The following IPCEF1 variants were observed in gnomAD, a reference collection of about 807,000 sequenced individuals.
The protein encoded by IPCEF1 is interaction protein for cytohesin exchange factors 1, also known as interactor protein for cytohesin exchange factors 1.
A neutral mutation model predicts 50.9 loss-of-function variants in IPCEF1; 31 were observed. The observed-to-expected ratio is 0.61, with a 90% CI of 0.46 to 0.82. IPCEF1 has a LOEUF of 0.82. IPCEF1 is among the 40% of genes least tolerant of loss of function. IPCEF1 has a pLI of 0.00. For missense variants in IPCEF1, 458 were observed against 514.0 expected (o/e 0.89, Z 1.05); for synonymous variants, 181 against 192.0 (o/e 0.94, Z 0.47).
intron 10 of IPCEF1, among the ~76,000 whole-genome samples, chr6:154,178,909 A>G (rs890538379): frequency 2.0e-5 from 3 of 152,240 alleles, no homozygotes; most frequent in Non-Finnish European, 4.4e-5. Context: ...ATCCACAAGC[A>G]TAAAACAGTA....
rs1052088144 is a variant in IPCEF1 at position 154,247,587 on chromosome 6, G to A, written c.37-99C>T. 37 of 971,746 alleles carry A rather than the reference G, an allele frequency of 3.8e-5. 1 individual carries two copies. In the South Asian group the frequency reaches 4.1e-4, roughly 11 times the overall value. The allele number at this position is 971,746 out of a possible 1,614,324, so 60.2% of individuals were successfully genotyped here. The stretch of plus-strand genomic sequence containing the variant: ...AGGAGGTGGCAGTGTTTATGAGCAG[G>A]ATGGAATCTAAAAAAAAACTCTCCA... On this transcript the variant is annotated intron_variant, in intron 3 of 11. Transcript: ENST00000367220.
intron 1 of IPCEF1, among the ~76,000 whole-genome samples, chr6:154,315,308 A>AT (rs1328864245): frequency 6.6e-6 from 1 of 152,220 alleles, no homozygotes; most frequent in Admixed American, 6.5e-5. Flanking sequence ...TGCTCAGTAA[A>AT]TATTTGTAGG....
intron 5 of IPCEF1, among the ~76,000 whole-genome samples, chr6:154,232,950 A>AAT (rs1779834470): frequency 6.6e-6 from 1 of 151,962 alleles, no homozygotes; most frequent in Non-Finnish European, 1.5e-5. Flanking sequence ...ATTAATGTAA[A>AAT]ATAAGCCTTT....
intron 10 of IPCEF1, among the ~76,000 whole-genome samples, chr6:154,199,172 C>A (rs1007699794): frequency 3.9e-5 from 6 of 152,194 alleles, no homozygotes; most frequent in Admixed American, 3.9e-4. Flanking sequence ...AAAGTGCATG[C>A]AAATTGTCTG....
intron 10 of IPCEF1, among the ~76,000 whole-genome samples, chr6:154,169,973 C>T (rs527550451): frequency 6.6e-6 from 1 of 152,260 alleles, no homozygotes; most frequent in East Asian, 1.9e-4. Context: ...GGAAGCCAAC[C>T]CATTCTGAGA....
At chr6:154,238,093 GTATCAACA>G (rs1357147696) in intron 5 of IPCEF1, among the ~76,000 whole-genome samples, 4 of 152,096 alleles carry the variant, frequency 2.6e-5, no homozygotes, top group African/African-American at 9.7e-5. Context: ...GGATATACAT[GTATCAACA>G]TGGAAATATG....
intron 10 of IPCEF1, among the ~76,000 whole-genome samples, chr6:154,199,388 T>C (rs536970059): frequency 1.3e-5 from 2 of 152,338 alleles, no homozygotes; most frequent in Middle Eastern, 6.8e-3. Context: ...GCAAGTTTTT[T>C]CTCCGATTGG....
chr6:154,333,779 G>A (rs113062541), intron 1 of IPCEF1, among the ~76,000 whole-genome samples: 4,152 of 147,326 alleles, frequency 0.028, 73 homozygotes, highest in Non-Finnish European at 0.033. Context: ...ATGTATGTGT[G>A]TATATGTGTA....
At chr6:154,232,824 G>A (rs566401710) in intron 5 of IPCEF1, among the ~76,000 whole-genome samples, 45 of 152,122 alleles carry the variant, frequency 3.0e-4, no homozygotes, top group Non-Finnish European at 5.3e-4. Context: ...ATAGATGTGT[G>A]TAATAATGTA....
intron 10 of IPCEF1, among the ~76,000 whole-genome samples, chr6:154,185,626 C>A (rs1449108438): frequency 6.6e-6 from 1 of 152,160 alleles, no homozygotes; most frequent in Non-Finnish European, 1.5e-5. Context: ...GTATCAAGTT[C>A]TATATTATGA....
intron 1 of IPCEF1, among the ~76,000 whole-genome samples, chr6:154,354,489 T>TCCACAACCACCTCCACCATCTCCTCCACA (rs1562300369): frequency 3.8e-5 from 1 of 26,234 alleles, no homozygotes; most frequent in African/African-American, 1.9e-4. Context: ...CCACCATCTC[T>TCCACAACCACCTCCACCATCTCCTCCACA]ACCGTCACTT....
At chr6:154,330,325 C>CTTTT (rs138406253) in intron 1 of IPCEF1, among the ~76,000 whole-genome samples, 2 of 89,264 alleles carry the variant, frequency 2.2e-5, no homozygotes, top group African/African-American at 4.2e-5. Context: ...ATTATAGCCT[C>CTTTT]TTTTTTTTTT....
At chr6:154,200,706 G>A (rs558580666) in intron 9 of IPCEF1, among the ~76,000 whole-genome samples, 4 of 152,300 alleles carry the variant, frequency 2.6e-5, no homozygotes, top group African/African-American at 9.6e-5. Flanking sequence ...GGGTGACAGA[G>A]TGAGACTCTG....
intron 2 of IPCEF1, among the ~76,000 whole-genome samples, chr6:154,287,705 C>T (rs1431714864): frequency 6.6e-6 from 1 of 152,170 alleles, no homozygotes; most frequent in African/African-American, 2.4e-5. Flanking sequence ...CTTCTTATAA[C>T]AAGCCATGCT....
At chr6:154,263,259 T>C (rs926000046) in intron 3 of IPCEF1, among the ~76,000 whole-genome samples, 1 of 151,648 alleles carries the variant, frequency 6.6e-6, no homozygotes. Flanking sequence ...TTATTTATTT[T>C]TTTTAATTGA....
At chr6:154,339,659 A>G (rs1252138529) in intron 1 of IPCEF1, among the ~76,000 whole-genome samples, 1 of 151,958 alleles carries the variant, frequency 6.6e-6, no homozygotes, top group Non-Finnish European at 1.5e-5. Context: ...GTGCAATCGC[A>G]GCTCACTGCA....
At chr6:154,286,929 G>T (rs545090868) in intron 2 of IPCEF1, among the ~76,000 whole-genome samples, 20 of 152,308 alleles carry the variant, frequency 1.3e-4, no homozygotes, top group South Asian at 1.0e-3. Flanking sequence ...AGTGTTGAAG[G>T]AGGGGCCTGG....
intron 5 of IPCEF1, among the ~76,000 whole-genome samples, chr6:154,235,461 G>A (rs1253320991): frequency 6.8e-6 from 1 of 147,654 alleles, no homozygotes; most frequent in Non-Finnish European, 1.5e-5. Context: ...AACCCGGGAG[G>A]CAGAGGTCAC....
At chr6:154,267,713 G>A (rs1781792555) in intron 2 of IPCEF1, among the ~76,000 whole-genome samples, 1 of 152,218 alleles carries the variant, frequency 6.6e-6, no homozygotes, top group Admixed American at 6.5e-5. Flanking sequence ...ACAGAGAGGA[G>A]GCCCTGGAGA....
Sources: gnomAD v4.1 joint callset for allele counts (sites outside exome capture counted in the v4.1 genomes callset) on GRCh38, gnomAD v4.1.1 for gene constraint, MANE v1.5 for transcripts, NCBI Gene and HGNC (gene_info 2026-07-23, HGNC 2026-07-21) for gene names.